The following PDE6H variants were observed in gnomAD, a reference collection of about 807,000 sequenced individuals.
The protein encoded by PDE6H is phosphodiesterase 6H, also known as retinal cone rhodopsin-sensitive cGMP 3',5'-cyclic phosphodiesterase subunit gamma.
PDE6H carries 11 observed loss-of-function variants against 9.2 expected under a neutral mutation model. The ratio of observed to expected loss-of-function variants is 1.19; its 90% CI spans 0.75 to 1.97. The LOEUF (loss-of-function observed/expected upper bound fraction) is 1.97. PDE6H is among the 30% of genes most tolerant of loss of function. The pLI is 0.00. For missense variants in PDE6H, 98 were observed against 101.5 expected (o/e 0.97, Z 0.15); for synonymous variants, 36 against 33.6 (o/e 1.07, Z -0.25).
At position 14,981,565 on chromosome 12, in the gene PDE6H, C is replaced by T. The variant is rs1864685352; in HGVS notation, c.*89C>T. 3.5e-6 allele frequency: 3 copies of T among 865,710 alleles called. No homozygotes were observed. In the Admixed American group the frequency reaches 5.4e-5, roughly 16 times the overall value. 53.6% of individuals were successfully genotyped at this position (865,710 alleles called of 1,614,324 possible). On this transcript the variant is annotated 3_prime_UTR_variant, in exon 4 of 4. Coordinates refer to ENST00000266395, the MANE Select transcript of PDE6H (RefSeq NM_006205.3). The stretch of plus-strand genomic sequence containing the variant: ...GATCTGCCGGAGTCTTGAAATTCAG[C>T]TGATTGGAAGTGGTTTCTTTGACTT...
At chr12:14,975,223 A>T (rs1197879201) in intron 1 of PDE6H, among the ~76,000 whole-genome samples, 1 of 152,190 alleles carries the variant, frequency 6.6e-6, no homozygotes, top group African/African-American at 2.4e-5. Context: ...GGGCTGCCAG[A>T]TAAAAATGAA....
At chr12:14,979,326 A>G in intron 3 of PDE6H, 107 bp downstream of exon 3, 1 of 757,808 alleles carries the variant, frequency 1.3e-6, no homozygotes, top group Non-Finnish European at 2.4e-6. Flanking sequence ...TACCCAAGGC[A>G]GAAGATCTGT....
At chr12:14,980,151 A>G (rs1864660167) in intron 3 of PDE6H, among the ~76,000 whole-genome samples, 1 of 152,096 alleles carries the variant, frequency 6.6e-6, no homozygotes, top group African/African-American at 2.4e-5. Flanking sequence ...CTCTCTCTCT[A>G]AACCCCAGAC....
chr12:14,977,207 G>C (rs184655428), intron 1 of PDE6H, among the ~76,000 whole-genome samples: 1 of 152,268 alleles, frequency 6.6e-6, no homozygotes, highest in East Asian at 1.9e-4. Flanking sequence ...CATGGGTGTT[G>C]GTATTCCTGC....
At position 14,981,446 on chromosome 12, in the gene PDE6H, G is replaced by A; in HGVS notation, c.222G>A (p.Leu74=). The A allele has an allele frequency of 6.2e-7, 1 of 1,613,300 alleles. No homozygotes were observed. Among genetic ancestry groups the A allele is most frequent in the Non-Finnish European group, 8.5e-7 (1 of 1,179,208 alleles). ...GGGAGGCATTCAGCCACCTGGAATT[G>A]CATGAGCTCGCTCAGTTTGGGATTA... The part of the protein sequence containing the change: ...CPWEAFSHLE[L]HELAQFGII The change falls in exon 4 of 4, where the codon TTG becomes TTA. Residue 74 remains leucine, a synonymous_variant. Transcript: ENST00000266395.
chr12:14,979,417 C>T (rs970611378), intron 3 of PDE6H, among the ~76,000 whole-genome samples, 198 bp downstream of exon 3: 10 of 152,158 alleles, frequency 6.6e-5, no homozygotes, highest in Admixed American at 6.5e-4. Context: ...TAAAAGAAAT[C>T]AGGGTAGGCC....
intron 3 of PDE6H, 128 bp from the exon 4 acceptor site, chr12:14,981,272 G>C: frequency 1.3e-6 from 1 of 771,974 alleles, no homozygotes; most frequent in East Asian, 2.4e-5. Flanking sequence ...CCACGCTAGG[G>C]AACTTCCCAG....
At chr12:14,973,999 C>G (rs962649097) in intron 1 of PDE6H, among the ~76,000 whole-genome samples, 15 of 152,122 alleles carry the variant, frequency 9.9e-5, no homozygotes, top group Non-Finnish European at 1.0e-4. Context: ...AATCCCAGTC[C>G]CCTAAAAAAG....
chr12:14,978,007 G>T lies in PDE6H; in HGVS notation c.-6G>T. 1 of 1,613,230 alleles carries T rather than the reference G, an allele frequency of 6.2e-7. No homozygotes were observed. Among genetic ancestry groups the T allele is most frequent in the Admixed American group, 1.7e-5 (1 of 60,010 alleles). On this transcript the variant is annotated 5_prime_UTR_variant, in exon 2 of 4. Transcript: ENST00000266395. The stretch of plus-strand genomic sequence containing the variant: ...GGGAAACATCAGCCGCCCGGGGGGA[G>T]TTAAAATGAGTGACAACACTACTCT...
At chr12:14,977,743 T>C (rs1349473493) in intron 1 of PDE6H, among the ~76,000 whole-genome samples, 1 of 152,234 alleles carries the variant, frequency 6.6e-6, no homozygotes, top group Non-Finnish European at 1.5e-5. Flanking sequence ...GTAAGTAATG[T>C]AGCAGAAGGT....
Position 14,981,782 on chromosome 12 carries a change from T to A in PDE6H, c.*306T>A, listed in dbSNP as rs1300800091. The stretch of plus-strand genomic sequence containing the variant: ...TAAATCTATTTTTGCTAGGCATTCA[T>A]TATGATTAATAGTAGACTTTTAAGA... On this transcript the variant is annotated 3_prime_UTR_variant, in exon 4 of 4. Coordinates refer to ENST00000266395, the MANE Select transcript of PDE6H (RefSeq NM_006205.3). 1.3e-5 allele frequency: 6 copies of A among 461,568 alleles called. No individual in the cohort carries two copies. The Middle Eastern group carries it at 2.5e-3, about 189-fold the overall frequency. 28.6% of individuals were successfully genotyped at this position (461,568 alleles called of 1,614,324 possible).
intron 3 of PDE6H, among the ~76,000 whole-genome samples, chr12:14,980,329 C>T (rs888972170): frequency 2.0e-5 from 3 of 152,292 alleles, no homozygotes; most frequent in Middle Eastern, 3.4e-3. Context: ...TTTAAAATCA[C>T]GGAATGATAC....
In PDE6H at chr12:14,981,680, A is replaced by T; in HGVS notation, c.*204A>T. 1.6e-6 allele frequency: 1 copy of T among 617,656 alleles called. No homozygotes were observed. Among genetic ancestry groups the T allele is most frequent in the South Asian group, 1.9e-5 (1 of 52,048 alleles). The allele number at this position is 617,656 out of a possible 1,614,324, so 38.3% of individuals were successfully genotyped here. ...CAGCTCAAAATAGTGGATGCATTTC[A>T]AACTTGACCACCTTTTCCTACCAGC... On this transcript the variant is annotated 3_prime_UTR_variant, in exon 4 of 4. Transcript: ENST00000266395.
Position 14,979,192 on chromosome 12 carries a change from A to G in PDE6H, c.148A>G (p.Ile50Val). The G allele has an allele frequency of 6.2e-7, 1 of 1,609,002 alleles. No homozygotes were observed. The highest frequency in any genetic ancestry group is 8.5e-7 in the Non-Finnish European group (1 of 1,175,400). ...TCTTTTCCATAGATTTGGAGATGAC[A>G]TTCCAGGAATGGAGGGGCTAGGAAC... ...KKGVKGFGDD[I>V]PGMEGLGTDI... Residue 50 changes from isoleucine (I) to valine (V), a missense_variant, in exon 3 of 4, where the codon ATT (isoleucine) becomes GTT (valine). Physicochemically the swap from Ile to Val is conservative, Grantham distance 29. Coordinates refer to ENST00000266395, the MANE Select transcript of PDE6H (RefSeq NM_006205.3).
At chr12:14,979,578 G>A (rs1192141282) in intron 3 of PDE6H, among the ~76,000 whole-genome samples, 3 of 152,196 alleles carry the variant, frequency 2.0e-5, no homozygotes, top group Non-Finnish European at 4.4e-5. Flanking sequence ...GGAATTGGCA[G>A]TCTTTTGTCT....
Position 14,981,417 on chromosome 12 carries a change from C to T in PDE6H, c.193C>T (p.Pro65Ser). The change falls in exon 4 of 4, where the codon CCA (proline) becomes TCA (serine). Residue 65 changes from proline (P) to serine (S), a missense_variant. Pro to Ser is a moderately conservative substitution (Grantham distance 74). Transcript: ENST00000266395. The part of the protein sequence containing the change: ...GLGTDITVIC[P>S]WEAFSHLELH... ...TCTTGCAGATATCACAGTGATTTGT[C>T]CATGGGAGGCATTCAGCCACCTGGA... 1 of 1,611,890 alleles carries T rather than the reference C, an allele frequency of 6.2e-7. No individual in the cohort carries two copies. The highest frequency in any genetic ancestry group is 1.1e-5 in the South Asian group (1 of 91,062).
chr12:14,973,656 C>CT (rs1864551191), intron 1 of PDE6H, among the ~76,000 whole-genome samples: 1 of 152,042 alleles, frequency 6.6e-6, no homozygotes, highest in Non-Finnish European at 1.5e-5. Flanking sequence ...TCTTGCTTTG[C>CT]TTTTCAAATT....
At chr12:14,975,909 C>G (rs1864587192) in intron 1 of PDE6H, among the ~76,000 whole-genome samples, 1 of 150,516 alleles carries the variant, frequency 6.6e-6, no homozygotes, top group African/African-American at 2.4e-5. Flanking sequence ...CAAACTCCAC[C>G]TCCTGGGTTC....
intron 3 of PDE6H, among the ~76,000 whole-genome samples, chr12:14,980,601 A>G (rs1324477958): frequency 1.3e-5 from 2 of 152,188 alleles, no homozygotes; most frequent in African/African-American, 4.8e-5. Flanking sequence ...CCATGTTATA[A>G]AGCAAATTTT....
Sources: gnomAD v4.1 joint callset for allele counts (sites outside exome capture counted in the v4.1 genomes callset) on GRCh38, gnomAD v4.1.1 for gene constraint, MANE v1.5 for transcripts, NCBI Gene and HGNC (gene_info 2026-07-23, HGNC 2026-07-21) for gene names.